The following TMF1 variants were observed in gnomAD, a reference collection of about 807,000 sequenced individuals.
TMF1 encodes TATA element modulatory factor 1, also known as TATA element modulatory factor.
In TMF1, 71 loss-of-function variants were observed where a neutral mutation model predicts 126.5. The ratio of observed to expected loss-of-function variants is 0.56; its 90% CI spans 0.46 to 0.68. The LOEUF (loss-of-function observed/expected upper bound fraction) is 0.68, where lower values mean the gene tolerates loss of function less well. TMF1 is among the 30% of genes least tolerant of loss of function. The pLI, the probability that TMF1 is intolerant of heterozygous loss-of-function variation, is 0.00. For missense variants in TMF1, 1,259 were observed against 1,253.2 expected, an observed-to-expected ratio of 1.00 and a Z score of -0.07; for synonymous variants, 461 against 430.5, an observed-to-expected ratio of 1.07 and a Z score of -0.88.
chr3:69,047,955 T>A lies in TMF1; in HGVS notation c.750A>T (p.Ser250=), dbSNP rs776782051. The A allele has an allele frequency of 6.2e-6, 10 of 1,613,904 alleles. No individual in the cohort carries two copies. The highest frequency in any genetic ancestry group is 8.5e-6 in the Non-Finnish European group (10 of 1,180,034). Reference sequence around the variant, plus strand: ...TATCACTGGTGGTAGAAGTACCTGATGAAAAGGTACTAACAGGAGGAGAAG... The same window carrying A: ...TATCACTGGTGGTAGAAGTACCTGAAGAAAAGGTACTAACAGGAGGAGAAG... ...NTPSPPVSTF[S]SGTSTTSDIE... is the part of the protein sequence containing the mutation. Residue 250 remains serine (S), a synonymous_variant, in exon 2 of 17, where the codon TCA becomes TCT. Transcript: ENST00000398559.
At chr3:69,024,348 G>T in intron 15 of TMF1, 168 bp from the exon 16 acceptor site, 1 of 522,900 alleles carries the variant, frequency 1.9e-6, no homozygotes, top group Admixed American at 4.2e-5. Flanking sequence ...AACAGTGGCA[G>T]AAAAACGGTC....
At position 69,033,715 on chromosome 3, in the gene TMF1, A is replaced by T; in HGVS notation, c.2245-11T>A. On this transcript the variant is annotated splice_polypyrimidine_tract_variant and intron_variant, in intron 9 of 16. Transcript: ENST00000398559. ...TGCTTCCTGGAGTCTCTGAATCATG[A>T]AATTCTGAAGTCATTACCAATGACA... 1.3e-6 allele frequency: 2 copies of T among 1,599,014 alleles called. No homozygotes were observed. Among genetic ancestry groups the T allele is most frequent in the Non-Finnish European group, 1.7e-6 (2 of 1,174,540 alleles).
rs531992817 is a variant in TMF1, at chr3:69,025,842, G to A, written c.2860-130C>T. ...TTCTCAAAGGCAGAAAATCATTCAC[G>A]TGTTTCCTCTCACTAAAATTAGCAC... is the stretch of plus-strand genomic sequence containing the variant. On this transcript the variant is annotated intron_variant, in intron 14 of 16. Transcript: ENST00000398559. The A allele has an allele frequency of 4.6e-4, 548 of 1,190,018 alleles. 1 individual carries two copies. Among genetic ancestry groups the A allele is most frequent in the Non-Finnish European group, 5.5e-4 (463 of 848,598 alleles). The allele number at this position is 1,190,018 out of a possible 1,614,324, so 73.7% of individuals were successfully genotyped here. A position where few individuals can be genotyped will look rare whatever the true frequency, so the allele number is the denominator to read the frequency against.
intron 8 of TMF1, among the ~76,000 whole-genome samples, chr3:69,038,167 A>G (rs1414362388): frequency 6.6e-6 from 1 of 152,228 alleles, no homozygotes; most frequent in Non-Finnish European, 1.5e-5. Context: ...TGATGATTTG[A>G]TAAGACAAAG....
At position 69,024,105 on chromosome 3, in the gene TMF1, C is replaced by G. The variant is rs762461508; in HGVS notation, c.3088G>C (p.Glu1030Gln). Residue 1030 changes from glutamate (E) to glutamine (Q), a missense_variant, in exon 16 of 17, where the codon GAA (glutamate) becomes CAA (glutamine). Physicochemically the swap from Glu to Gln is conservative, Grantham distance 29 (BLOSUM62 2). Coordinates refer to ENST00000398559, the MANE Select transcript of TMF1 (RefSeq NM_007114.3). ...ELVKLTNQND[E>Q]LEEKVKEIPK... ...ATCTCCTTCACCTTCTCTTCAAGTT[C>G]ATCATTTTGATTTGTTAATTTAACT... 5.0e-6 allele frequency: 8 copies of G among 1,610,352 alleles called. No homozygotes were observed. The African/African-American group carries it at 1.1e-4, about 22-fold the overall frequency.
Position 69,037,216 on chromosome 3 carries a change from C to T in TMF1, c.2151+1348G>A, listed in dbSNP as rs189228226. 2.0e-5 allele frequency among the ~76,000 whole-genome samples: 3 copies of T among 152,308 alleles called. No individual in the cohort carries two copies. In the East Asian group the frequency reaches 5.8e-4, roughly 29 times the overall value. ...AGTCATTAAGAGAATGCAAATCAGCCGGGCGTAGTGGCTCACGCCTGTAAT... is the reference window on the plus strand; with the variant it reads ...AGTCATTAAGAGAATGCAAATCAGCTGGGCGTAGTGGCTCACGCCTGTAAT... On this transcript the variant is annotated intron_variant, in intron 8 of 16. Coordinates refer to ENST00000398559, the MANE Select transcript of TMF1 (RefSeq NM_007114.3).
rs2091753983 is a variant in TMF1 at position 69,024,197 on chromosome 3, C to CAA, written c.3013-19_3013-18dup. On this transcript the variant is annotated splice_polypyrimidine_tract_variant and intron_variant, in intron 15 of 16. Coordinates refer to ENST00000398559, the MANE Select transcript of TMF1 (RefSeq NM_007114.3). ...AATTTCTAGCTGAGAAGCATTACCA[C>CAA]AAAATAGTTTAAATCAAAACATATC... The CAA allele has an allele frequency of 2.5e-6, 4 of 1,576,960 alleles. No individual in the cohort carries two copies. The South Asian group carries it at 4.7e-5, about 19-fold the overall frequency.
intron 6 of TMF1, 124 bp downstream of exon 6, chr3:69,039,427 T>C (rs971488965): frequency 8.9e-7 from 1 of 1,117,402 alleles, no homozygotes; most frequent in Non-Finnish European, 1.2e-6. Context: ...TTATCTATTG[T>C]TTGAAAAATC....
intron 2 of TMF1, 41 bp downstream of exon 2, chr3:69,047,317 A>C: frequency 6.6e-7 from 1 of 1,511,800 alleles, no homozygotes; most frequent in Non-Finnish European, 8.8e-7. Flanking sequence ...TTTAATCTCC[A>C]AAAAGCACAT....
rs1444177025 is a variant in TMF1 at position 69,029,038 on chromosome 3, A to AT, written c.2595-744dup. Among the ~76,000 whole-genome samples, 423 of 136,458 alleles carry AT rather than the reference A, an allele frequency of 3.1e-3. 2 individuals carry two copies. The highest frequency in any genetic ancestry group is 0.011 in the African/African-American group (410 of 38,610). 89.5% of individuals were successfully genotyped at this position (136,458 alleles called of 152,430 possible). A position where few individuals can be genotyped will look rare whatever the true frequency, so the allele number is the denominator to read the frequency against. On this transcript the variant is annotated intron_variant, in intron 11 of 16. Coordinates refer to ENST00000398559, the MANE Select transcript of TMF1 (RefSeq NM_007114.3). ...TCTTGTTATAATATCCTATTACTTT[A>AT]TTTATTTTTTTTTTTTTGGAGACGG...
Position 69,048,331 on chromosome 3 carries a change from GGTC to G in TMF1, c.371_373del (p.Arg124del). On this transcript the variant is annotated inframe_deletion, in exon 2 of 17. Coordinates refer to ENST00000398559, the MANE Select transcript of TMF1 (RefSeq NM_007114.3). The stretch of plus-strand genomic sequence containing the variant: ...TAAGCTGCTTTTCACTTCTTCTTCT[GGTC>G]GTTGTGATTTTGCTGGAGGTTTTGA... 1 of 1,614,138 alleles carries G rather than the reference GGTC, an allele frequency of 6.2e-7. No homozygotes were observed. The highest frequency in any genetic ancestry group is 8.5e-7 in the Non-Finnish European group (1 of 1,180,032).
At chr3:69,029,519 A>C (rs62254200) in intron 11 of TMF1, among the ~76,000 whole-genome samples, 53,167 of 151,106 alleles carry the variant, frequency 0.35, 9,613 homozygotes, top group East Asian at 0.53. Context: ...ATCTTGGCTC[A>C]CTGCAACTTC....
chr3:69,033,631 C>T lies in TMF1; in HGVS notation c.2318G>A (p.Arg773Gln). ...SVSSTTRPLL[R>Q]QIENLQATLG... is the part of the protein sequence containing the mutation. ...GGTTGCTTGCAAATTTTCTATTTGT[C>T]GAAGCAATGGTCTTGTTGTTGATGA... The change falls in exon 10 of 17, where the codon CGA becomes CAA. Residue 773 changes from arginine to glutamine, a missense_variant. Transcript: ENST00000398559. 1 of 1,613,976 alleles carries T rather than the reference C, an allele frequency of 6.2e-7. No individual in the cohort carries two copies. Among genetic ancestry groups the T allele is most frequent in the Non-Finnish European group, 8.5e-7 (1 of 1,179,984 alleles).
At chr3:69,031,920 A>G (rs1021369338) in intron 10 of TMF1, among the ~76,000 whole-genome samples, 1 of 152,214 alleles carries the variant, frequency 6.6e-6, no homozygotes, top group Non-Finnish European at 1.5e-5. Flanking sequence ...CTAAATATTT[A>G]TTTCAAAAGA....
intron 8 of TMF1, among the ~76,000 whole-genome samples, chr3:69,036,758 T>C (rs780970902): frequency 6.6e-6 from 1 of 152,206 alleles, no homozygotes; most frequent in Non-Finnish European, 1.5e-5. Flanking sequence ...TCTCAACAAC[T>C]GGTCCTGCAA....
At chr3:69,026,185 A>C in intron 13 of TMF1, 88 bp from the exon 14 acceptor site, 3 of 826,900 alleles carry the variant, frequency 3.6e-6, no homozygotes, top group Non-Finnish European at 5.9e-6. Flanking sequence ...TAATGAGAAC[A>C]AAGATTCAGT....
Position 69,047,765 on chromosome 3 carries a change from T to C in TMF1, c.940A>G (p.Thr314Ala), listed in dbSNP as rs1320359384. 1.2e-6 allele frequency: 2 copies of C among 1,614,076 alleles called. No homozygotes were observed. The highest frequency in any genetic ancestry group is 8.5e-7 in the Non-Finnish European group (1 of 1,180,012). The change falls in exon 2 of 17, where the codon ACT (threonine) becomes GCT (alanine). Residue 314 changes from threonine (T) to alanine (A), a missense_variant. Transcript: ENST00000398559. ...YNRLDDFQKL[T>A]ESCCSSDAFE... is the part of the protein sequence containing the mutation. Reference sequence around the variant, plus strand: ...GCATCAGATGAACAGCAACTCTCAGTGAGTTTTTGGAAATCATCTAAACGA... The same window carrying C: ...GCATCAGATGAACAGCAACTCTCAGCGAGTTTTTGGAAATCATCTAAACGA...
At chr3:69,041,426 T>C (rs2091864409) in intron 5 of TMF1, among the ~76,000 whole-genome samples, 1 of 152,206 alleles carries the variant, frequency 6.6e-6, no homozygotes, top group South Asian at 2.1e-4. Context: ...ATGAAAAAGT[T>C]GGATAAAGCT....
chr3:69,025,449 T>C (rs962990521), intron 15 of TMF1, 111 bp downstream of exon 15: 18 of 1,090,732 alleles, frequency 1.7e-5, no homozygotes, highest in Middle Eastern at 2.7e-4. Context: ...CACATGCCAC[T>C]ATGTCATCTT....
Sources: gnomAD v4.1 joint callset for allele counts (sites outside exome capture counted in the v4.1 genomes callset) on GRCh38, gnomAD v4.1.1 for gene constraint, MANE v1.5 for transcripts, NCBI Gene and HGNC (gene_info 2026-07-23, HGNC 2026-07-21) for gene names.